GOLGA3: variants seen among roughly 807,000 people sequenced by gnomAD.
GOLGA3 encodes golgin subfamily A member 3.
In GOLGA3, 75 loss-of-function variants were observed where a neutral mutation model predicts 169.4. The ratio of observed to expected loss-of-function variants is 0.44; its 90% CI spans 0.37 to 0.54. The LOEUF (loss-of-function observed/expected upper bound fraction) is 0.54. Ranked by LOEUF, GOLGA3 falls within the 20% of genes least tolerant of loss-of-function variation. The probability of loss-of-function intolerance (pLI) is 0.00; values close to 1 mark genes in which losing one functional copy is unlikely to be tolerated. For missense variants in GOLGA3, 1,899 were observed against 1,930.0 expected, an observed-to-expected ratio of 0.98 and a Z score of 0.30; for synonymous variants, 824 against 822.4, an observed-to-expected ratio of 1.00 and a Z score of -0.03.
At chr12:132,813,557 G>C (rs903345605) in intron 3 of GOLGA3, 138 bp from the exon 4 acceptor site, 4 of 559,492 alleles carry the variant, frequency 7.1e-6, no homozygotes, top group Non-Finnish European at 1.3e-5. Flanking sequence ...TTGTTTGGAA[G>C]GACAATTTCT....
At chr12:132,809,457 C>CG in intron 4 of GOLGA3, among the ~76,000 whole-genome samples, 1 of 149,874 alleles carries the variant, frequency 6.7e-6, no homozygotes, top group East Asian at 2.0e-4. Context: ...CCCCGGTTCC[C>CG]GGTCTGCTAA....
At position 132,808,473 on chromosome 12, in the gene GOLGA3, G is replaced by C. The variant is rs1405403747; in HGVS notation, c.596C>G (p.Pro199Arg). ...TGTCATAGCCAGGGTACTGGCCCTT[G>C]GTAAGTTTTCTGGGTTTAACATGAG... is the stretch of plus-strand genomic sequence containing the variant. ...PELMLNPENL[P>R]RASTLAMTKE... is the part of the protein sequence containing the mutation. The change falls in exon 5 of 24, where the codon CCA (proline) becomes CGA (arginine). Residue 199 changes from proline (P) to arginine (R), a missense_variant. Transcript: ENST00000450791. 3.1e-6 allele frequency: 5 copies of C among 1,613,914 alleles called. No homozygotes were observed. The South Asian group carries it at 5.5e-5, about 18-fold the overall frequency.
At position 132,814,449 on chromosome 12, in the gene GOLGA3, C is replaced by T. The variant is rs537512536; in HGVS notation, c.407-1030G>A. 4.1e-4 allele frequency among the ~76,000 whole-genome samples: 63 copies of T among 152,316 alleles called. 1 individual carries two copies. Among genetic ancestry groups the T allele is most frequent in the East Asian group, 2.3e-3 (12 of 5,172 alleles). On this transcript the variant is annotated intron_variant, in intron 3 of 23. Coordinates refer to ENST00000450791, the MANE Select transcript of GOLGA3 (RefSeq NM_001389683.1). ...GCTTCACAGCAGGTTCTCGTGACCC[C>T]GCTGGGAGAACCTGAAACGCCGGCA...
intron 1 of GOLGA3, among the ~76,000 whole-genome samples, chr12:132,827,424 A>G (rs1034721958): frequency 6.6e-6 from 1 of 152,240 alleles, no homozygotes; most frequent in African/African-American, 2.4e-5. Flanking sequence ...TTTCTTAATC[A>G]CATTTAGCCT....
intron 11 of GOLGA3, 71 bp downstream of exon 11, chr12:132,795,781 G>GAAGC: frequency 6.9e-7 from 1 of 1,443,536 alleles, no homozygotes; most frequent in Non-Finnish European, 9.4e-7. Flanking sequence ...AAGAAAGAAA[G>GAAGC]AAGCAAATAA....
At chr12:132,799,142 A>G (rs1270917891) in intron 8 of GOLGA3, among the ~76,000 whole-genome samples, 1 of 152,200 alleles carries the variant, frequency 6.6e-6, no homozygotes, top group Non-Finnish European at 1.5e-5. Context: ...GACGTGACAG[A>G]AGCCACACGC....
chr12:132,815,671 C>G (rs1045916958), intron 3 of GOLGA3, among the ~76,000 whole-genome samples: 1 of 151,482 alleles, frequency 6.6e-6, no homozygotes, highest in African/African-American at 2.4e-5. Flanking sequence ...CAAGGTATGA[C>G]GATCACTTGA....
At chr12:132,819,981 A>T (rs1268291806) in intron 2 of GOLGA3, among the ~76,000 whole-genome samples, 5 of 152,226 alleles carry the variant, frequency 3.3e-5, no homozygotes, top group Non-Finnish European at 7.3e-5. Context: ...GGAGTTCAAA[A>T]CCAGCCTGAT....
intron 8 of GOLGA3, among the ~76,000 whole-genome samples, chr12:132,799,040 G>A (rs544361980): frequency 6.6e-5 from 10 of 152,346 alleles, no homozygotes; most frequent in Non-Finnish European, 7.3e-5. Context: ...AAGTAGCACT[G>A]AAAAGGAGGT....
rs567554430 is a variant in GOLGA3, at chr12:132,822,122, C to G, written c.7G>C (p.Gly3Arg). 1 of 1,604,338 alleles carries G rather than the reference C, an allele frequency of 6.2e-7. No homozygotes were observed. The highest frequency in any genetic ancestry group is 8.5e-7 in the Non-Finnish European group (1 of 1,176,282). ...AGGCCATCTTGCTCGGCCGACGCGC[C>G]GTCCATGGTCAGGACGACACCAGCT... The part of the protein sequence containing the change: MD[G>R]ASAEQDGLQE... Residue 3 changes from glycine to arginine, a missense_variant, in exon 2 of 24, where the codon GGC (glycine) becomes CGC (arginine). Physicochemically the swap from Gly to Arg is moderately radical, Grantham distance 125. Coordinates refer to ENST00000450791, the MANE Select transcript of GOLGA3 (RefSeq NM_001389683.1).
intron 12 of GOLGA3, 61 bp downstream of exon 12, chr12:132,791,155 A>C (rs2046211351): frequency 1.2e-6 from 1 of 865,508 alleles, no homozygotes; most frequent in Admixed American, 1.9e-5. Flanking sequence ...AAGCAATTAA[A>C]CCACAGAAAA....
intron 1 of GOLGA3, chr12:132,825,890 G>A: frequency 1.0e-6 from 1 of 962,716 alleles, no homozygotes; most frequent in Admixed American, 1.7e-5. Flanking sequence ...CCCCTTCACT[G>A]GTGATGTCTC....
At position 132,804,330 on chromosome 12, in the gene GOLGA3, A is replaced by G. The variant is rs1949277015; in HGVS notation, c.1597+386T>C. On this transcript the variant is annotated intron_variant, in intron 7 of 23. Transcript: ENST00000450791. The surrounding 1 kb of genome is among the most constrained non-coding windows in gnomAD (Gnocchi z 4.1). ...GCAGATACTCCAGGGTCCAAGGTCAATCTCCAAGACCTAATTCATTCCCCT... is the reference window on the plus strand; with the variant it reads ...GCAGATACTCCAGGGTCCAAGGTCAGTCTCCAAGACCTAATTCATTCCCCT... 6.6e-6 allele frequency among the ~76,000 whole-genome samples: 1 copy of G among 152,250 alleles called. No homozygotes were observed. The highest frequency in any genetic ancestry group is 2.4e-5 in the African/African-American group (1 of 41,466).
intron 6 of GOLGA3, among the ~76,000 whole-genome samples, chr12:132,806,101 C>T (rs1949386399): frequency 6.6e-6 from 1 of 152,182 alleles, no homozygotes; most frequent in South Asian, 2.1e-4. Context: ...GGATCCAGTT[C>T]ACACATCACC....
Position 132,808,449 on chromosome 12 carries a change from G to A in GOLGA3, c.620C>T (p.Thr207Ile), listed in dbSNP as rs758255842. 9 of 1,614,130 alleles carry A rather than the reference G, an allele frequency of 5.6e-6. No homozygotes were observed. The South Asian group carries it at 8.8e-5, about 16-fold the overall frequency. ...GGTGCGCAGGAAGGAATATTCTTTTGTCATAGCCAGGGTACTGGCCCTTGG... is the reference window on the plus strand; with the variant it reads ...GGTGCGCAGGAAGGAATATTCTTTTATCATAGCCAGGGTACTGGCCCTTGG... ...NLPRASTLAMTKEYSFLRTSV... is the reference protein window; with the variant it reads ...NLPRASTLAMIKEYSFLRTSV... Residue 207 changes from threonine to isoleucine, a missense_variant, in exon 5 of 24, where the codon ACA (threonine) becomes ATA (isoleucine). By Grantham distance (89) the Thr-to-Ile change is moderately conservative. Transcript: ENST00000450791.
chr12:132,781,552 T>TAAC (rs199741330), intron 17 of GOLGA3, among the ~76,000 whole-genome samples: 5 of 152,066 alleles, frequency 3.3e-5, no homozygotes, highest in African/African-American at 7.2e-5. Context: ...TCCGTATTAC[T>TAAC]AACAACAACA....
At chr12:132,785,613 G>A (rs183395921) in intron 15 of GOLGA3, among the ~76,000 whole-genome samples, 7 of 152,220 alleles carry the variant, frequency 4.6e-5, no homozygotes, top group East Asian at 3.9e-4. Flanking sequence ...GTGCCCGGCC[G>A]AGTTTATTTG....
At chr12:132,783,171 CAG>C (rs1457906439) in intron 16 of GOLGA3, among the ~76,000 whole-genome samples, 6 of 146,810 alleles carry the variant, frequency 4.1e-5, no homozygotes, top group Non-Finnish European at 6.0e-5. Flanking sequence ...GCCTGAATGA[CAG>C]AGTGAGACTC....
chr12:132,820,992 C>T (rs1046369427), intron 2 of GOLGA3, among the ~76,000 whole-genome samples: 6 of 146,452 alleles, frequency 4.1e-5, no homozygotes, highest in Admixed American at 7.1e-5. Context: ...CCCAGCTACT[C>T]GGGAGGCTGA....
Sources: allele counts gnomAD v4.1 joint callset (sites outside exome capture counted in the v4.1 genomes callset), GRCh38; gene constraint gnomAD v4.1.1; non-coding constraint Gnocchi (gnomAD v3.1); transcripts MANE v1.5; gene names NCBI Gene and HGNC (gene_info 2026-07-23, HGNC 2026-07-21).